Variants in NR5A2 observed in about 807,000 individuals in gnomAD.
NR5A2 encodes the protein nuclear receptor subfamily 5 group A member 2.
Under a neutral mutation model 62.7 loss-of-function variants are expected in NR5A2, and 26 were observed. The observed-to-expected ratio is 0.41, with a 90% CI of 0.30 to 0.58. The LOEUF (loss-of-function observed/expected upper bound fraction) is 0.58, where lower values mean the gene tolerates loss of function less well. Ranked by LOEUF, NR5A2 falls within the 20% of genes least tolerant of loss-of-function variation. The pLI, the probability that NR5A2 is intolerant of heterozygous loss-of-function variation, is 0.22. For missense variants in NR5A2, 541 were observed against 669.1 expected, an observed-to-expected ratio of 0.81 and a Z score of 2.11; for synonymous variants, 246 against 241.7, an observed-to-expected ratio of 1.02 and a Z score of -0.16.
chr1:200,143,423 T>TGG (rs1491179766), intron 7 of NR5A2, among the ~76,000 whole-genome samples: 3 of 151,732 alleles, frequency 2.0e-5, no homozygotes, highest in African/African-American at 7.3e-5. Flanking sequence ...GGATTAGTTT[T>TGG]GTTTTTTTTT....
chr1:200,107,518 AACAG>A (rs141492016), intron 5 of NR5A2, among the ~76,000 whole-genome samples: 19,419 of 152,236 alleles, frequency 0.13, 1,284 homozygotes, highest in Middle Eastern at 0.15. Flanking sequence ...AATTACAGAA[AACAG>A]ACAGGCTCAA....
intron 5 of NR5A2, among the ~76,000 whole-genome samples, chr1:200,097,384 C>T (rs1272404979): frequency 6.6e-6 from 1 of 152,166 alleles, no homozygotes; most frequent in Non-Finnish European, 1.5e-5. Flanking sequence ...AAAGAACTCC[C>T]TTCGTCACTC....
intron 7 of NR5A2, among the ~76,000 whole-genome samples, chr1:200,172,692 T>C (rs967208531): frequency 6.6e-6 from 1 of 152,188 alleles, no homozygotes; most frequent in Non-Finnish European, 1.5e-5. Context: ...GACAGCCCAG[T>C]GTAAAGCCAT....
chr1:200,053,059 G>C (rs760745975), intron 5 of NR5A2, among the ~76,000 whole-genome samples: 3 of 152,066 alleles, frequency 2.0e-5, no homozygotes, highest in African/African-American at 4.8e-5. Context: ...AGGTTGTTTT[G>C]TTTTTCTATA....
At chr1:200,087,097 C>A (rs930495140) in intron 5 of NR5A2, among the ~76,000 whole-genome samples, 4 of 152,018 alleles carry the variant, frequency 2.6e-5, no homozygotes, top group Non-Finnish European at 4.4e-5. Context: ...TCTAAAGTAG[C>A]TGAAGGGTCT....
intron 1 of NR5A2, among the ~76,000 whole-genome samples, chr1:200,032,140 G>A (rs1199076041): frequency 6.6e-6 from 1 of 152,158 alleles, no homozygotes; most frequent in Non-Finnish European, 1.5e-5. Flanking sequence ...GTCTACCTTA[G>A]GATAGAACTA....
At chr1:200,118,093 CGCA>C (rs1458735127) in intron 6 of NR5A2, among the ~76,000 whole-genome samples, 1 of 142,208 alleles carries the variant, frequency 7.0e-6, no homozygotes, top group East Asian at 2.1e-4. Flanking sequence ...CTCAGTTCAC[CGCA>C]ACATCTGCCT....
intron 6 of NR5A2, among the ~76,000 whole-genome samples, chr1:200,114,302 A>C (rs1666115387): frequency 2.0e-5 from 1 of 49,184 alleles, no homozygotes; most frequent in South Asian, 9.1e-4. Flanking sequence ...ATACACACAC[A>C]TATATATGAT....
chr1:200,133,774 T>C (rs867031188), intron 7 of NR5A2, among the ~76,000 whole-genome samples: 21 of 151,998 alleles, frequency 1.4e-4, no homozygotes, highest in African/African-American at 5.1e-4. Context: ...CCTATGTATA[T>C]AAAAGAAAAC....
chr1:200,098,180 T>G (rs1665189936), intron 5 of NR5A2, among the ~76,000 whole-genome samples: 1 of 152,172 alleles, frequency 6.6e-6, no homozygotes, highest in Admixed American at 6.6e-5. Context: ...ACTTCACCTC[T>G]GAGTCTTCTG....
chr1:200,141,296 C>G (rs1323242871), intron 7 of NR5A2, among the ~76,000 whole-genome samples: 4 of 152,106 alleles, frequency 2.6e-5, no homozygotes, highest in Non-Finnish European at 5.9e-5. Context: ...TTCTTAACAC[C>G]TGACAATCAC....
chr1:200,116,121 G>A (rs188860418), intron 6 of NR5A2, among the ~76,000 whole-genome samples: 1 of 152,176 alleles, frequency 6.6e-6, no homozygotes, highest in Non-Finnish European at 1.5e-5. Flanking sequence ...TATTAAATAT[G>A]CCTCAGTCCA....
chr1:200,172,157 T>G (rs1039816158), intron 7 of NR5A2, among the ~76,000 whole-genome samples: 2 of 152,194 alleles, frequency 1.3e-5, no homozygotes, highest in Non-Finnish European at 2.9e-5. Flanking sequence ...TTTTAATCAC[T>G]ATAATGCAAA....
chr1:200,098,758 TGGG>T (rs1379401867), intron 5 of NR5A2, among the ~76,000 whole-genome samples: 2 of 152,232 alleles, frequency 1.3e-5, no homozygotes, highest in Admixed American at 1.3e-4. Flanking sequence ...TGTAACAGGA[TGGG>T]GGTGTCCCCA....
intron 7 of NR5A2, among the ~76,000 whole-genome samples, chr1:200,126,741 T>C (rs1035705840): frequency 2.6e-5 from 4 of 151,842 alleles, no homozygotes; most frequent in Non-Finnish European, 5.9e-5. Flanking sequence ...TTGCCCAGGC[T>C]GAACTCCTCA....
chr1:200,085,669 A>G (rs1464407984), intron 5 of NR5A2, among the ~76,000 whole-genome samples: 2 of 111,126 alleles, frequency 1.8e-5, no homozygotes, highest in Admixed American at 9.2e-5. Context: ...TCTCAAAAAA[A>G]AAAAAAAAGA....
intron 5 of NR5A2, among the ~76,000 whole-genome samples, chr1:200,094,539 T>TG (rs1274686135): frequency 7.6e-6 from 1 of 131,920 alleles, no homozygotes; most frequent in African/African-American, 3.0e-5. Context: ...TTTTTTTTTT[T>TG]TTTTTTTTTT....
intron 7 of NR5A2, among the ~76,000 whole-genome samples, chr1:200,145,242 G>A (rs538869212): frequency 1.9e-4 from 29 of 152,216 alleles, no homozygotes; most frequent in South Asian, 1.7e-3. Context: ...CCCGGGAGGC[G>A]GAGGTTGCAG....
At chr1:200,139,510 A>G (rs1667360769) in intron 7 of NR5A2, among the ~76,000 whole-genome samples, 2 of 152,218 alleles carry the variant, frequency 1.3e-5, no homozygotes. Flanking sequence ...TTTAGTAGAA[A>G]AAAGAGAAGA....
Sources: gnomAD v4.1 joint callset for allele counts (sites outside exome capture counted in the v4.1 genomes callset) on GRCh38, gnomAD v4.1.1 for gene constraint, MANE v1.5 for transcripts, NCBI Gene and HGNC (gene_info 2026-07-23, HGNC 2026-07-21) for gene names.